ADGRE3: variants seen among roughly 807,000 people sequenced by gnomAD.
ADGRE3 encodes EGF-like module receptor 3.
A neutral mutation model predicts 80.1 loss-of-function variants in ADGRE3; 88 were observed. The ratio of observed to expected loss-of-function variants is 1.10; its 90% CI spans 0.93 to 1.31. The LOEUF (loss-of-function observed/expected upper bound fraction) is 1.31. Among genes scored for constraint, ADGRE3 ranks in the 40% most tolerant of loss-of-function variants. ADGRE3 has a pLI of 0.00. For synonymous variants in ADGRE3, 281 were observed against 294.8 expected (o/e 0.95, Z 0.48); for missense variants, 715 against 776.5 (o/e 0.92, Z 0.94).
chr19:14,611,567 A>T, the ADGRE3 span, among the ~76,000 whole-genome samples: 2 of 151,902 alleles, frequency 1.3e-5, no homozygotes, highest in South Asian at 4.2e-4. Flanking sequence ...CTAGAAAGGC[A>T]TACCAGCTGA....
rs188592469 is a variant in ADGRE3, at chr19:14,633,481, C to T, written c.1485-179G>A. The stretch of plus-strand genomic sequence containing the variant: ...CAGCACTTTGGGAGGCCGAGATGGG[C>T]GGCTCACGAAGTCAGGAGCTTGAGA... On this transcript the variant is annotated intron_variant, in intron 11 of 15. Coordinates refer to ENST00000253673, the MANE Select transcript of ADGRE3 (RefSeq NM_032571.5). Among the ~76,000 whole-genome samples, 258 of 152,034 alleles carry T rather than the reference C, an allele frequency of 1.7e-3. 2 individuals carry two copies. Among genetic ancestry groups the T allele is most frequent in the Admixed American group, 0.016 (238 of 15,240 alleles).
chr19:14,653,556 A>G lies in ADGRE3; in HGVS notation c.577+1426T>C, dbSNP rs1375383849. On this transcript the variant is annotated intron_variant, in intron 6 of 15. Transcript: ENST00000253673. Reference sequence around the variant, plus strand: ...GGGATCCTAGTCCTAGGTGCATTACATGCACTTTCATTATCTCTATTAAAA... The same window carrying G: ...GGGATCCTAGTCCTAGGTGCATTACGTGCACTTTCATTATCTCTATTAAAA... Among the ~76,000 whole-genome samples, 3 of 152,020 alleles carry G rather than the reference A, an allele frequency of 2.0e-5. No individual in the cohort carries two copies. In the South Asian group the frequency reaches 6.2e-4, roughly 32 times the overall value.
downstream of ADGRE3, among the ~76,000 whole-genome samples, chr19:14,618,644 G>T (rs1237410974): frequency 6.7e-6 from 1 of 150,268 alleles, no homozygotes; most frequent in Non-Finnish European, 1.5e-5. Flanking sequence ...ATCACCTGAG[G>T]CTGGGAGTTC....
chr19:14,653,946 T>TG lies in ADGRE3; in HGVS notation c.577+1035_577+1036insC, dbSNP rs1233515003. 3.0e-3 allele frequency among the ~76,000 whole-genome samples: 125 copies of TG among 42,282 alleles called. 1 individual carries two copies. The highest frequency in any genetic ancestry group is 0.025 in the African/African-American group (109 of 4,308). 27.7% of individuals were successfully genotyped at this position (42,282 alleles called of 152,430 possible). ...TTTTTCAAAGCCTGCTGTGTGTGTG[T>TG]TTTTTTTTTTTTTTTTTTTAATTTA... On this transcript the variant is annotated intron_variant, in intron 6 of 15. Coordinates refer to ENST00000253673, the MANE Select transcript of ADGRE3 (RefSeq NM_032571.5).
intron 4 of ADGRE3, among the ~76,000 whole-genome samples, chr19:14,659,490 T>G (rs1171960262): frequency 6.6e-6 from 1 of 152,150 alleles, no homozygotes; most frequent in Non-Finnish European, 1.5e-5. Context: ...CAGCTGTTAA[T>G]GAAGACTTTT....
intron 8 of ADGRE3, 115 bp from the exon 9 acceptor site, chr19:14,644,390 G>T (rs532650351): frequency 6.0e-6 from 4 of 662,638 alleles, no homozygotes; most frequent in Non-Finnish European, 2.4e-6. Flanking sequence ...GCTCAATCTC[G>T]GCTCACTGCA....
At chr19:14,623,307 A>T (rs1242434225) in intron 15 of ADGRE3, among the ~76,000 whole-genome samples, 1 of 27,272 alleles carries the variant, frequency 3.7e-5, no homozygotes, top group African/African-American at 1.6e-4. Context: ...AATAAAAAAA[A>T]AAAAAAATAA....
chr19:14,638,200 CAT>C lies in ADGRE3; in HGVS notation c.1387_1388del (p.Met463GlufsTer31), dbSNP rs1971153091. On this transcript the variant is annotated frameshift_variant, in exon 11 of 16. Transcript: ENST00000253673. LOFTEE classifies it high-confidence loss of function. ...VVNYSSINRL[M>X]KWIMFPVGYG... ...AGCCGACTGGGAACATGATCCACTT[CAT>C]GAGTCTATTGATGCTTGAGTAGTTG... The C allele has an allele frequency of 6.2e-7, 1 of 1,613,996 alleles. No homozygotes were observed. Among genetic ancestry groups the C allele is most frequent in the Non-Finnish European group, 8.5e-7 (1 of 1,180,022 alleles).
chr19:14,645,180 C>CAA (rs371224910), intron 8 of ADGRE3, among the ~76,000 whole-genome samples: 111 of 149,908 alleles, frequency 7.4e-4, no homozygotes, highest in African/African-American at 2.7e-3. Flanking sequence ...AGGAAAAAAA[C>CAA]AAAAAAAAAC....
chr19:14,666,841 G>A (rs4273164), intron 2 of ADGRE3, among the ~76,000 whole-genome samples: 121,176 of 152,084 alleles, frequency 0.8, 48,978 homozygotes, highest in African/African-American at 0.94. Context: ...GCTTAGTTCA[G>A]AGTGAGCTCT....
At chr19:14,615,881 T>C (rs1490541885), downstream of ADGRE3, among the ~76,000 whole-genome samples, 1 of 151,806 alleles carries the variant, frequency 6.6e-6, no homozygotes, top group African/African-American at 2.4e-5. Context: ...CGCCTTCGCC[T>C]CCAGAGTATC....
chr19:14,665,906 C>G (rs1972080292), intron 2 of ADGRE3, among the ~76,000 whole-genome samples: 1 of 96,568 alleles, frequency 1.0e-5, no homozygotes, highest in Non-Finnish European at 2.2e-5. Context: ...TATATTTATA[C>G]ACATATATAT....
chr19:14,613,122 T>C, the ADGRE3 span, among the ~76,000 whole-genome samples: 8 of 151,916 alleles, frequency 5.3e-5, no homozygotes, highest in African/African-American at 1.9e-4. Context: ...GACAGGGCTT[T>C]GCCATGTTGG....
chr19:14,659,073 C>T (rs1423402195), intron 4 of ADGRE3, among the ~76,000 whole-genome samples: 16 of 148,952 alleles, frequency 1.1e-4, no homozygotes, highest in Admixed American at 2.0e-4. Context: ...TCTCATTCTG[C>T]TGCCTAGGCT....
At chr19:14,608,442 C>A in the ADGRE3 span, among the ~76,000 whole-genome samples, 39,482 of 151,914 alleles carry the variant, frequency 0.26, 5,394 homozygotes, top group African/African-American at 0.32. Context: ...GGGTGTCTAG[C>A]ATCCCAGGCT....
the ADGRE3 span, among the ~76,000 whole-genome samples, chr19:14,606,225 A>C: frequency 1.3e-5 from 2 of 152,042 alleles, no homozygotes; most frequent in African/African-American, 4.8e-5. Context: ...AATGCTACCT[A>C]CTAAGACGTC....
At chr19:14,613,883 G>A in the ADGRE3 span, among the ~76,000 whole-genome samples, 17 of 151,998 alleles carry the variant, frequency 1.1e-4, no homozygotes, top group South Asian at 6.2e-4. Flanking sequence ...ACGGCATTTC[G>A]CCACTTTGGC....
At chr19:14,654,574 C>T (rs1467294410) in intron 6 of ADGRE3, among the ~76,000 whole-genome samples, 1 of 152,092 alleles carries the variant, frequency 6.6e-6, no homozygotes. Context: ...CCTCAAACTA[C>T]ATTTAAGTGA....
At chr19:14,633,708 A>AAAAATAAAATAAAAT (rs371090073) in intron 11 of ADGRE3, among the ~76,000 whole-genome samples, 12 of 123,748 alleles carry the variant, frequency 9.7e-5, no homozygotes, top group African/African-American at 1.9e-4. Flanking sequence ...CCGTCTCAAA[A>AAAAATAAAATAAAAT]AAAATAAAAT....
Sources: gnomAD v4.1 joint callset for allele counts (sites outside exome capture counted in the v4.1 genomes callset) on GRCh38, gnomAD v4.1.1 for gene constraint, MANE v1.5 for transcripts, NCBI Gene and HGNC (gene_info 2026-07-23, HGNC 2026-07-21) for gene names.